POMZP3: variants seen among roughly 807,000 people sequenced by gnomAD.
The protein encoded by POMZP3 is POM121 and ZP3 fusion protein.
A neutral mutation model predicts 19.8 loss-of-function variants in POMZP3; 10 were observed. That is an observed-to-expected ratio of 0.51 (90% CI 0.31 to 0.86). The LOEUF is 0.86. Ranked by LOEUF, POMZP3 falls within the 40% of genes least tolerant of loss-of-function variation. The pLI is 0.04. For missense variants in POMZP3, 152 were observed against 228.1 expected (o/e 0.67, Z 2.15); for synonymous variants, 57 against 85.8 (o/e 0.66, Z 1.85).
chr7:76,620,622 C>T, intron 3 of POMZP3, among the ~76,000 whole-genome samples: 1 of 151,666 alleles, frequency 6.6e-6, no homozygotes, highest in Non-Finnish European at 1.5e-5. Flanking sequence ...CGTGTCCCAC[C>T]ATGCCTGGCT....
chr7:76,619,336 C>T (rs1405555854), intron 3 of POMZP3, among the ~76,000 whole-genome samples: 4 of 152,122 alleles, frequency 2.6e-5, no homozygotes, highest in Admixed American at 6.6e-5. Context: ...TGCAGTGAGC[C>T]GAGATCGTGC....
rs1815934084 is a variant in POMZP3 at position 76,626,849 on chromosome 7, CCTGGCCCTCCG to C, written c.-304_-294del. The C allele has an allele frequency of 2.1e-6, 3 of 1,399,850 alleles. No individual in the cohort carries two copies. Among genetic ancestry groups the C allele is most frequent in the Non-Finnish European group, 2.8e-6 (3 of 1,086,188 alleles). 86.7% of individuals were successfully genotyped at this position (1,399,850 alleles called of 1,614,324 possible). A position where few individuals can be genotyped will look rare whatever the true frequency, so the allele number is the denominator to read the frequency against. On this transcript the variant is annotated 5_prime_UTR_variant, in exon 1 of 7. It introduces an in-frame stop codon into an upstream open reading frame of the 5' UTR. Transcript: ENST00000310842. The stretch of plus-strand genomic sequence containing the variant: ...CGGCGGCCAGGCCTATTCCGCAGGT[CCTGGCCCTCCG>C]GAGCGGGGGCGGGCTGCGGCGGCCC...
rs1374324042 is a variant in POMZP3 at position 76,610,288 on chromosome 7, G to A, written c.*12-73C>T. 6.6e-5 allele frequency: 95 copies of A among 1,438,414 alleles called. 4 individuals carry two copies. The East Asian group carries it at 2.1e-3, about 32-fold the overall frequency. 89.1% of individuals were successfully genotyped at this position (1,438,414 alleles called of 1,614,324 possible). ...GGAACTGGGTTGGAGGTTTTATTCT[G>A]CCTCAGTGGGCTAAACTAATATGTT... On this transcript the variant is annotated intron_variant, in intron 6 of 6. Transcript: ENST00000310842.
At chr7:76,624,317 G>A (rs1374184703) in intron 3 of POMZP3, among the ~76,000 whole-genome samples, 1 of 151,600 alleles carries the variant, frequency 6.6e-6, no homozygotes, top group African/African-American at 2.4e-5. Flanking sequence ...GGGAGGCTGA[G>A]GCGAGCTGAT....
chr7:76,622,836 C>G (rs1331359872), intron 3 of POMZP3, among the ~76,000 whole-genome samples: 1 of 151,828 alleles, frequency 6.6e-6, no homozygotes, highest in Non-Finnish European at 1.5e-5. Context: ...CCACTGCATT[C>G]AAACTCGAGC....
intron 3 of POMZP3, among the ~76,000 whole-genome samples, chr7:76,624,868 C>G (rs547745238): frequency 1.1e-4 from 16 of 151,694 alleles, no homozygotes; most frequent in African/African-American, 3.6e-4. Flanking sequence ...CGCCGTGGCT[C>G]AAGCCTGTAA....
chr7:76,616,368 A>G (rs1241081339), intron 4 of POMZP3, among the ~76,000 whole-genome samples: 2 of 103,980 alleles, frequency 1.9e-5, no homozygotes, highest in Non-Finnish European at 4.2e-5. Flanking sequence ...ACCTATGAAG[A>G]TTTAGTTAAT....
chr7:76,621,832 C>T (rs1197648596), intron 3 of POMZP3, among the ~76,000 whole-genome samples: 4 of 148,624 alleles, frequency 2.7e-5, no homozygotes, highest in Middle Eastern at 3.2e-3. Context: ...CCCAGCTACT[C>T]GGGAGGCTGA....
intron 2 of POMZP3, 100 bp downstream of exon 2, chr7:76,625,900 C>G (rs968069493): frequency 5.8e-6 from 9 of 1,543,042 alleles, no homozygotes; most frequent in African/African-American, 1.4e-5. Context: ...GCAGATTCGT[C>G]CTTTCTTTTT....
At chr7:76,618,837 G>T (rs1815392225) in intron 3 of POMZP3, among the ~76,000 whole-genome samples, 1 of 151,714 alleles carries the variant, frequency 6.6e-6, no homozygotes, top group African/African-American at 2.4e-5. Flanking sequence ...TCCCAGGCTG[G>T]AGTACAGTGG....
intron 3 of POMZP3, among the ~76,000 whole-genome samples, chr7:76,621,822 C>A (rs1477655761): frequency 1.3e-5 from 2 of 150,078 alleles, no homozygotes; most frequent in Non-Finnish European, 3.0e-5. Context: ...CACCTGCAGT[C>A]CCAGCTACTC....
chr7:76,620,600 T>A (rs1170468844), intron 3 of POMZP3, among the ~76,000 whole-genome samples: 2 of 151,656 alleles, frequency 1.3e-5, no homozygotes, highest in African/African-American at 4.9e-5. Flanking sequence ...CCCAAGTAGC[T>A]GAGACTACAG....
intron 3 of POMZP3, among the ~76,000 whole-genome samples, chr7:76,619,141 C>G (rs1414351359): frequency 6.6e-6 from 1 of 152,036 alleles, no homozygotes; most frequent in African/African-American, 2.4e-5. Context: ...GCTCATGCCT[C>G]TAATCCCAGC....
chr7:76,621,091 T>C (rs1229800994), intron 3 of POMZP3: 2 of 149,144 alleles, frequency 1.3e-5, no homozygotes, highest in Admixed American at 1.3e-4. Flanking sequence ...GCTGCAAAGC[T>C]ATCTTGCTTT....
intron 3 of POMZP3, among the ~76,000 whole-genome samples, chr7:76,622,328 T>TGG (rs1338731404): frequency 6.6e-6 from 1 of 150,722 alleles, no homozygotes; most frequent in African/African-American, 2.4e-5. Context: ...AACCCTCACT[T>TGG]GGGGTCTGGG....
At position 76,626,690 on chromosome 7, in the gene POMZP3, A is replaced by G. The variant is rs1815918619; in HGVS notation, c.-152+18T>C. 13 of 1,379,258 alleles carry G rather than the reference A, an allele frequency of 9.4e-6. No individual in the cohort carries two copies. The highest frequency in any genetic ancestry group is 1.1e-5 in the Non-Finnish European group (12 of 1,072,756). 85.4% of individuals were successfully genotyped at this position (1,379,258 alleles called of 1,614,324 possible). ...CAGCCGAGCCAAAGGATGATCTGGG[A>G]AAATCAGCGCATCTCACCGTGGGGA... On this transcript the variant is annotated intron_variant, in intron 1 of 6. Transcript: ENST00000310842.
In POMZP3 at chr7:76,626,915, G is replaced by C. The variant is rs1435129534; in HGVS notation, c.-359C>G. 38 of 1,392,694 alleles carry C rather than the reference G, an allele frequency of 2.7e-5. No individual in the cohort carries two copies. The highest frequency in any genetic ancestry group is 3.2e-5 in the Non-Finnish European group (34 of 1,074,648). The allele number at this position is 1,392,694 out of a possible 1,614,324, so 86.3% of individuals were successfully genotyped here. A position where few individuals can be genotyped will look rare whatever the true frequency, so the allele number is the denominator to read the frequency against. ...TTGCCCAGGTAACTGCCCATGAGGA[G>C]CAGTTCGGCAGGGTCAGGTCCTTCG... On this transcript the variant is annotated 5_prime_UTR_variant, in exon 1 of 7. Transcript: ENST00000310842.
At position 76,626,718 on chromosome 7, in the gene POMZP3, G is replaced by A. The variant is rs1235579870; in HGVS notation, c.-162C>T. 1.4e-6 allele frequency: 2 copies of A among 1,383,612 alleles called. No homozygotes were observed. The highest frequency in any genetic ancestry group is 1.9e-6 in the Non-Finnish European group (2 of 1,076,608). The allele number at this position is 1,383,612 out of a possible 1,614,324, so 85.7% of individuals were successfully genotyped here. On this transcript the variant is annotated 5_prime_UTR_variant, in exon 1 of 7. Coordinates refer to ENST00000310842, the MANE Select transcript of POMZP3 (RefSeq NM_012230.5). ...ATCAGCGCATCTCACCGTGGGGAAG[G>A]CCTCCCGGAGGGTCGGAGAAGAGGA... is the stretch of plus-strand genomic sequence containing the variant.
At chr7:76,619,133 T>C (rs529864679) in intron 3 of POMZP3, among the ~76,000 whole-genome samples, 24 of 152,240 alleles carry the variant, frequency 1.6e-4, no homozygotes, top group African/African-American at 5.8e-4. Flanking sequence ...GCGCAGTGGC[T>C]CATGCCTCTA....
Sources: allele counts gnomAD v4.1 joint callset (sites outside exome capture counted in the v4.1 genomes callset), GRCh38; gene constraint gnomAD v4.1.1; transcripts MANE v1.5; gene names NCBI Gene and HGNC (gene_info 2026-07-23, HGNC 2026-07-21).